The following PCSK6 variants were observed in gnomAD, a reference collection of about 807,000 sequenced individuals.
PCSK6 encodes paired basic amino acid cleaving enzyme 4.
In PCSK6, 85 loss-of-function variants were observed where a neutral mutation model predicts 123.3. The ratio of observed to expected loss-of-function variants is 0.69; its 90% CI spans 0.58 to 0.83. The LOEUF is 0.83. Among genes scored for constraint, PCSK6 ranks in the 40% least tolerant of loss-of-function variants. PCSK6 has a pLI of 0.00. For synonymous variants in PCSK6, 508 were observed against 516.0 expected (o/e 0.98, Z 0.21); for missense variants, 1,191 against 1,282.3 (o/e 0.93, Z 1.09).
intron 1 of PCSK6, among the ~76,000 whole-genome samples, chr15:101,489,162 C>A (rs1392199725): frequency 4.5e-5 from 4 of 88,270 alleles, no homozygotes; most frequent in Non-Finnish European, 7.8e-5. Flanking sequence ...ACCCCAGTCC[C>A]CCCCACCCCG....
At chr15:101,487,213 C>G (rs1313650941) in intron 1 of PCSK6, among the ~76,000 whole-genome samples, 2 of 152,364 alleles carry the variant, frequency 1.3e-5, no homozygotes, top group East Asian at 3.9e-4. Flanking sequence ...TAATCACACA[C>G]AAGCCTCTGA....
intron 2 of PCSK6, among the ~76,000 whole-genome samples, chr15:101,434,495 T>C (rs754719990): frequency 2.6e-5 from 4 of 152,236 alleles, no homozygotes; most frequent in Non-Finnish European, 4.4e-5. Flanking sequence ...TGGAAGAGCC[T>C]GGGCATCCCG....
intron 10 of PCSK6, among the ~76,000 whole-genome samples, chr15:101,383,750 C>T (rs762719854): frequency 1.3e-5 from 2 of 152,138 alleles, no homozygotes; most frequent in Admixed American, 6.5e-5. Context: ...CCTCAGGTGG[C>T]ACACAAACAA....
At chr15:101,438,811 T>A (rs906459358) in intron 2 of PCSK6, among the ~76,000 whole-genome samples, 1 of 152,132 alleles carries the variant, frequency 6.6e-6, no homozygotes, top group Non-Finnish European at 1.5e-5. Context: ...AATACAAACA[T>A]ACGACTGCTA....
intron 6 of PCSK6, among the ~76,000 whole-genome samples, chr15:101,404,811 C>T (rs769105261): frequency 2.6e-5 from 4 of 152,172 alleles, no homozygotes; most frequent in South Asian, 2.1e-4. Context: ...ACCTCACTGG[C>T]CACCCGGGGG....
chr15:101,376,602 T>G (rs1208107145), intron 11 of PCSK6, among the ~76,000 whole-genome samples: 2 of 152,196 alleles, frequency 1.3e-5, no homozygotes, highest in African/African-American at 2.4e-5. Flanking sequence ...TGTGGAACAG[T>G]ACCACAAATA....
intron 6 of PCSK6, among the ~76,000 whole-genome samples, chr15:101,411,516 T>C (rs566075750): frequency 6.6e-6 from 1 of 152,270 alleles, no homozygotes; most frequent in East Asian, 1.9e-4. Context: ...CATGGGGATC[T>C]GTGAGCACAT....
rs76213272 is a variant in PCSK6, at chr15:101,467,865, G to A, written c.297+21509C>T. On this transcript the variant is annotated intron_variant, in intron 1 of 21. Coordinates refer to ENST00000611716, the MANE Select transcript of PCSK6 (RefSeq NM_002570.5). ...TACGCCGGAGATACGCAAGCCACGC[G>A]GACAGTGGCTTCCTGCGGGAGCCGG... 7.0e-3 allele frequency among the ~76,000 whole-genome samples: 1,059 copies of A among 152,282 alleles called. 11 individuals carry two copies. The highest frequency in any genetic ancestry group is 0.025 in the African/African-American group (1,020 of 41,550).
At chr15:101,396,851 CT>C (rs530866165) in intron 7 of PCSK6, among the ~76,000 whole-genome samples, 97 of 152,256 alleles carry the variant, frequency 6.4e-4, no homozygotes, top group Non-Finnish European at 1.2e-3. Flanking sequence ...TACACCGCCC[CT>C]CTTCCTTAAT....
chr15:101,381,691 A>T (rs2041913882), intron 11 of PCSK6, among the ~76,000 whole-genome samples: 1 of 152,208 alleles, frequency 6.6e-6, no homozygotes, highest in African/African-American at 2.4e-5. Flanking sequence ...CTGGGGCTAC[A>T]GCTCCAATCT....
intron 17 of PCSK6, 134 bp downstream of exon 17, chr15:101,324,716 T>G: frequency 1.4e-6 from 1 of 710,572 alleles, no homozygotes; most frequent in Non-Finnish European, 2.3e-6. Context: ...CCTCCTTCCC[T>G]GTTCAAAGTC....
intron 9 of PCSK6, among the ~76,000 whole-genome samples, chr15:101,388,195 C>A (rs1450711966): frequency 6.6e-6 from 1 of 152,194 alleles, no homozygotes. Context: ...TTAAAAAGAG[C>A]CTCAGGACAC....
intron 7 of PCSK6, among the ~76,000 whole-genome samples, chr15:101,396,393 G>A (rs1037728371): frequency 6.6e-6 from 1 of 152,244 alleles, no homozygotes; most frequent in East Asian, 1.9e-4. Context: ...TGGACGGAGG[G>A]TGCCTCATCC....
Position 101,331,379 on chromosome 15 carries a change from G to T in PCSK6, c.2077+272C>A, listed in dbSNP as rs139430277. Reference sequence around the variant, plus strand: ...CCAGGCTGGTCAGGATCTCTGCCACGAAGTCCTTTCCCAGCTGTGCTCCTT... The same window carrying T: ...CCAGGCTGGTCAGGATCTCTGCCACTAAGTCCTTTCCCAGCTGTGCTCCTT... On this transcript the variant is annotated intron_variant, in intron 15 of 21. Coordinates refer to ENST00000611716, the MANE Select transcript of PCSK6 (RefSeq NM_002570.5). Among the ~76,000 whole-genome samples, 807 of 152,306 alleles carry T rather than the reference G, an allele frequency of 5.3e-3. 5 individuals are homozygous for T. Among genetic ancestry groups the T allele is most frequent in the African/African-American group, 0.019 (780 of 41,552 alleles).
At chr15:101,384,254 A>G in intron 10 of PCSK6, 68 bp downstream of exon 10, 1 of 1,575,640 alleles carries the variant, frequency 6.3e-7, no homozygotes, top group Non-Finnish European at 8.7e-7. Flanking sequence ...CCTTTTAAGG[A>G]ATTCATGACA....
chr15:101,440,592 C>T (rs1454944226), intron 2 of PCSK6, among the ~76,000 whole-genome samples: 1 of 152,206 alleles, frequency 6.6e-6, no homozygotes, highest in Admixed American at 6.5e-5. Context: ...TTATCCTAAG[C>T]CCCATAACAT....
intron 1 of PCSK6, among the ~76,000 whole-genome samples, chr15:101,468,564 A>C (rs1205377006): frequency 6.6e-6 from 1 of 152,230 alleles, no homozygotes; most frequent in Non-Finnish European, 1.5e-5. Context: ...TCGTGTCAGA[A>C]GGTGGGCCAT....
chr15:101,354,093 G>C (rs932994489), intron 13 of PCSK6, among the ~76,000 whole-genome samples: 3 of 152,194 alleles, frequency 2.0e-5, no homozygotes, highest in Non-Finnish European at 2.9e-5. Context: ...GATCTGAGAA[G>C]CAGGCCGCTC....
At chr15:101,418,972 T>C (rs573705689) in intron 6 of PCSK6, among the ~76,000 whole-genome samples, 2 of 152,280 alleles carry the variant, frequency 1.3e-5, no homozygotes, top group African/African-American at 4.8e-5. Context: ...TTTTCTCAAC[T>C]TGATAAAGGG....
Sources: gnomAD v4.1 joint callset for allele counts (sites outside exome capture counted in the v4.1 genomes callset) on GRCh38, gnomAD v4.1.1 for gene constraint, MANE v1.5 for transcripts, NCBI Gene and HGNC (gene_info 2026-07-23, HGNC 2026-07-21) for gene names.